XDH: variants seen among roughly 807,000 people sequenced by gnomAD.
The protein encoded by XDH is xanthine dehydrogenase/oxidase.
XDH carries 138 observed loss-of-function variants against 156.1 expected under a neutral mutation model. The observed-to-expected ratio is 0.88, with a 90% confidence interval of 0.77 to 1.02. XDH has a LOEUF of 1.02. XDH is among the 50% of genes least tolerant of loss of function. XDH has a pLI of 0.00. For missense variants in XDH, 1,849 were observed against 1,684.9 expected (o/e 1.10, Z -1.71); for synonymous variants, 669 against 625.7 (o/e 1.07, Z -1.03).
chr2:31,350,179 G>C lies in XDH; in HGVS notation c.2676C>G (p.Ile892Met), dbSNP rs200911206. The change falls in exon 25 of 36, where the codon ATC becomes ATG. Residue 892 changes from isoleucine to methionine, a missense_variant. Ile to Met is a conservative substitution (Grantham distance 10). Transcript: ENST00000379416. ...GCCGCCCAGTGCCCCGGATGTTGGG[G>C]ATTTTATAGCAGTTGTCCATGTGGA... ...ALFHMDNCYK[I>M]PNIRGTGRLC... 75 of 1,614,178 alleles carry C rather than the reference G, an allele frequency of 4.6e-5. No individual in the cohort carries two copies. The East Asian group carries it at 1.6e-3, about 35-fold the overall frequency.
Position 31,347,678 on chromosome 2 carries a change from A to G in XDH, c.3148-28T>C, listed in dbSNP as rs879120674. ...GCGAAAAGAGAAGACATTGCCCTCT[A>G]GGGAAGGGGTTATCATGGGGCTTGG... On this transcript the variant is annotated intron_variant, in intron 28 of 35. Transcript: ENST00000379416. 1.0e-4 allele frequency: 162 copies of G among 1,608,160 alleles called. No homozygotes were observed. In the South Asian group the frequency reaches 1.6e-3, roughly 16 times the overall value.
At chr2:31,398,515 A>T in intron 5 of XDH, 58 bp downstream of exon 5, 1 of 1,610,854 alleles carries the variant, frequency 6.2e-7, no homozygotes, top group Non-Finnish European at 8.5e-7. Context: ...ACTTGCCCTG[A>T]CCTCTGCAGG....
chr2:31,370,175 T>C, intron 18 of XDH, among the ~76,000 whole-genome samples, 180 bp downstream of exon 18: 1 of 152,246 alleles, frequency 6.6e-6, no homozygotes, highest in East Asian at 1.9e-4. Flanking sequence ...CAGCCATCAA[T>C]TAAATAAACA....
intron 19 of XDH, 23 bp from the exon 20 acceptor site, chr2:31,368,080 A>G (rs1207634142): frequency 1.3e-5 from 21 of 1,610,828 alleles, no homozygotes; most frequent in Non-Finnish European, 1.6e-5. Flanking sequence ...AAGAAGTTTC[A>G]GAAATGTGGC....
intron 27 of XDH, 47 bp downstream of exon 27, chr2:31,348,852 G>A (rs779382892): frequency 8.5e-6 from 13 of 1,536,662 alleles, no homozygotes; most frequent in Non-Finnish European, 1.1e-5. Context: ...ACAGGGAAAT[G>A]GGGTCCCAGT....
chr2:31,399,328 G>A (rs45613936), intron 4 of XDH, among the ~76,000 whole-genome samples: 1 of 152,246 alleles, frequency 6.6e-6, no homozygotes, highest in East Asian at 1.9e-4. Flanking sequence ...GATGAAGAAG[G>A]GGAGGGGCCC....
At chr2:31,384,142 G>GTGTGTGTGTC in intron 9 of XDH, 1 of 390,736 alleles carries the variant, frequency 2.6e-6, no homozygotes. Flanking sequence ...GTGTGTGTGT[G>GTGTGTGTGTC]TGTGTGTGTG....
At chr2:31,375,656 T>C in intron 14 of XDH, 102 bp from the exon 15 acceptor site, 1 of 1,419,188 alleles carries the variant, frequency 7.0e-7, no homozygotes, top group South Asian at 1.2e-5. Context: ...AAAGCTTGGT[T>C]CAAAATTTGG....
intron 6 of XDH, among the ~76,000 whole-genome samples, chr2:31,393,651 T>A (rs1329882534): frequency 2.6e-5 from 4 of 152,116 alleles, no homozygotes; most frequent in African/African-American, 7.2e-5. Context: ...GTATCTACCA[T>A]ATTTGTTATT....
intron 4 of XDH, 50 bp from the exon 5 acceptor site, chr2:31,398,749 G>A: frequency 6.2e-7 from 1 of 1,610,066 alleles, no homozygotes; most frequent in East Asian, 2.2e-5. Flanking sequence ...ACCCTCCCAG[G>A]CTCCCCAAAG....
chr2:31,348,436 T>G (rs1685363186), intron 27 of XDH, 73 bp from the exon 28 acceptor site: 2 of 1,425,060 alleles, frequency 1.4e-6, no homozygotes, highest in Non-Finnish European at 2.0e-6. Context: ...ACCAAAGGTA[T>G]GGAGCCCAGG....
At chr2:31,407,818 T>C (rs146776273) in intron 1 of XDH, among the ~76,000 whole-genome samples, 1 of 152,308 alleles carries the variant, frequency 6.6e-6, no homozygotes, top group East Asian at 1.9e-4. Flanking sequence ...TTGAATAAAG[T>C]TTAAAGGAAA....
At chr2:31,363,827 T>G (rs1426394276) in intron 24 of XDH, among the ~76,000 whole-genome samples, 1 of 152,086 alleles carries the variant, frequency 6.6e-6, no homozygotes, top group Non-Finnish European at 1.5e-5. Flanking sequence ...TATATATTAG[T>G]ATTAGTTTAT....
intron 1 of XDH, among the ~76,000 whole-genome samples, chr2:31,406,360 C>G (rs1380508351): frequency 6.6e-6 from 1 of 152,206 alleles, no homozygotes; most frequent in African/African-American, 2.4e-5. Context: ...AGAAGCCAAG[C>G]ACATGCTGGT....
At chr2:31,350,740 C>T (rs1307109801) in intron 24 of XDH, among the ~76,000 whole-genome samples, 3 of 152,162 alleles carry the variant, frequency 2.0e-5, no homozygotes, top group Admixed American at 6.5e-5. Flanking sequence ...AAATTCATTC[C>T]AGAGCCTCTA....
intron 17 of XDH, 35 bp downstream of exon 17, chr2:31,372,193 G>C: frequency 1.9e-6 from 3 of 1,614,072 alleles, no homozygotes; most frequent in Non-Finnish European, 2.5e-6. Flanking sequence ...CCCCCTCACA[G>C]CATTCCACCA....
Position 31,364,156 on chromosome 2 carries a change from A to C in XDH, c.2631+2T>G. The C allele has an allele frequency of 6.2e-7, 1 of 1,613,884 alleles. No homozygotes were observed. Among genetic ancestry groups the C allele is most frequent in the Non-Finnish European group, 8.5e-7 (1 of 1,179,990 alleles). On this transcript the variant is annotated splice_donor_variant, in intron 24 of 35. Transcript: ENST00000379416. LOFTEE classifies it high-confidence loss of function. ...GCAGGGGCGGCTGCAGGTCCTACTC[A>C]CACTCTGAGAGAGATCCTGGGTGTT...
At chr2:31,381,819 G>C in intron 11 of XDH, 93 bp from the exon 12 acceptor site, 1 of 1,152,618 alleles carries the variant, frequency 8.7e-7, no homozygotes, top group Non-Finnish European at 1.3e-6. Flanking sequence ...GGTGACACCT[G>C]CTGCAGGCAA....
intron 35 of XDH, among the ~76,000 whole-genome samples, chr2:31,337,422 G>A (rs999901696): frequency 6.6e-6 from 1 of 152,120 alleles, no homozygotes; most frequent in South Asian, 2.1e-4. Context: ...CTCTAAGGAG[G>A]CCCAGCTACA....
Sources: allele counts gnomAD v4.1 joint callset (sites outside exome capture counted in the v4.1 genomes callset), GRCh38; gene constraint gnomAD v4.1.1; transcripts MANE v1.5; gene names NCBI Gene and HGNC (gene_info 2026-07-23, HGNC 2026-07-21).